The following CD36 variants were observed in gnomAD, a reference collection of about 807,000 sequenced individuals.
The protein encoded by CD36 is platelet glycoprotein 4.
A neutral mutation model predicts 55.2 loss-of-function variants in CD36; 119 were observed. That is an observed-to-expected ratio of 2.15 (90% CI 1.86 to 2.51). CD36 has a LOEUF of 2.51. Among genes scored for constraint, CD36 ranks in the 30% most tolerant of loss-of-function variants. CD36 has a pLI of 0.00. For synonymous variants in CD36, 186 were observed against 193.6 expected (o/e 0.96, Z 0.33); for missense variants, 819 against 555.5 (o/e 1.47, Z -4.77).
Position 80,604,350 on chromosome 7 carries a change from A to ATTTTTTTTTTTT in CD36, c.-184+2000_-184+2011dup, listed in dbSNP as rs67213422. On this transcript the variant is annotated intron_variant, in intron 1 of 13. Coordinates refer to the CD36 transcript ENST00000309881. Reference sequence around the variant, plus strand: ...TACAGTAATTGGCTAAGCCACTGGAATTTTTTTTTTTTTTTTTTTTTTTTT... The same window carrying ATTTTTTTTTTTT: ...TACAGTAATTGGCTAAGCCACTGGAATTTTTTTTTTTTTTTTTTTTTTTTTTTTTTTTTTTTT... Among the ~76,000 whole-genome samples the ATTTTTTTTTTTT allele has an allele frequency of 3.7e-3, 199 of 54,282 alleles. 36 individuals carry two copies. The highest frequency in any genetic ancestry group is 4.6e-3 in the Non-Finnish European group (111 of 24,050). The allele number at this position is 54,282 out of a possible 152,430, so 35.6% of individuals were successfully genotyped here.
At position 80,607,503 on chromosome 7, in the gene CD36, T is replaced by C. The variant is rs1792627503; in HGVS notation, c.-184+5124T>C. ...TTTTACAAATAAGGACATGGAGGCT[T>C]GTAGAAGTTAGTGACCTTTTATGCC... On this transcript the variant is annotated intron_variant, in intron 1 of 13. Transcript: ENST00000309881. 3.3e-5 allele frequency among the ~76,000 whole-genome samples: 5 copies of C among 152,282 alleles called. No homozygotes were observed. The South Asian group carries it at 6.2e-4, about 19-fold the overall frequency.
At chr7:80,665,677 A>AGATTGTAAGGTTGATTTAACTC (rs1324415263) in intron 7 of CD36, among the ~76,000 whole-genome samples, 2 of 152,084 alleles carry the variant, frequency 1.3e-5, no homozygotes, top group African/African-American at 4.8e-5. Flanking sequence ...CATCATTTTA[A>AGATTGTAAGGTTGATTTAACTC]GATTGTAAGG....
intron 4 of CD36, among the ~76,000 whole-genome samples, chr7:80,660,138 A>C (rs1254505346): frequency 2.0e-5 from 3 of 152,186 alleles, no homozygotes; most frequent in African/African-American, 7.2e-5. Flanking sequence ...CAAATATGAC[A>C]GTGCAATTAT....
intron 1 of CD36, among the ~76,000 whole-genome samples, chr7:80,642,051 G>A (rs151004065): frequency 6.6e-6 from 1 of 152,150 alleles, no homozygotes; most frequent in Non-Finnish European, 1.5e-5. Context: ...TCTATAAACT[G>A]GACAGAAGGC....
chr7:80,641,510 G>A (rs909760047), intron 1 of CD36, among the ~76,000 whole-genome samples: 1 of 152,014 alleles, frequency 6.6e-6, no homozygotes, highest in African/African-American at 2.4e-5. Context: ...GAAAACAAGA[G>A]TGTGGTCTGG....
chr7:80,654,896 A>T (rs73134021), intron 3 of CD36, among the ~76,000 whole-genome samples: 318 of 151,006 alleles, frequency 2.1e-3, no homozygotes, highest in Non-Finnish European at 3.8e-3. Flanking sequence ...AAAAAAAAAA[A>T]GACAGTCATA....
chr7:80,675,623 CTG>C (rs368936613), intron 14 of CD36, among the ~76,000 whole-genome samples: 11 of 151,802 alleles, frequency 7.2e-5, no homozygotes, highest in African/African-American at 2.7e-4. Context: ...AGAGAATAAA[CTG>C]TTGATTACTT....
At chr7:80,668,675 C>A (rs922683518) in intron 8 of CD36, among the ~76,000 whole-genome samples, 2 of 152,060 alleles carry the variant, frequency 1.3e-5, no homozygotes, top group Non-Finnish European at 2.9e-5. Flanking sequence ...ATGCATTTTT[C>A]TTTAATTATT....
chr7:80,672,898 C>T, intron 12 of CD36, 55 bp downstream of exon 12: 5 of 1,116,728 alleles, frequency 4.5e-6, no homozygotes, highest in Non-Finnish European at 5.4e-6. Context: ...GTAGTATCTT[C>T]TTGTAAGAAC....
At chr7:80,660,999 C>T (rs1208262446) in intron 4 of CD36, 64 bp from the exon 5 acceptor site, 4 of 1,163,770 alleles carry the variant, frequency 3.4e-6, no homozygotes, top group Non-Finnish European at 3.9e-6. Context: ...GAATGAATGA[C>T]ATTTGAGATC....
At chr7:80,617,542 C>A (rs1173267847) in intron 1 of CD36, among the ~76,000 whole-genome samples, 1 of 152,004 alleles carries the variant, frequency 6.6e-6, no homozygotes, top group South Asian at 2.1e-4. Flanking sequence ...GCCTGGCCAA[C>A]ATGGCAAAAC....
chr7:80,621,200 A>C (rs1793453571), intron 1 of CD36, among the ~76,000 whole-genome samples: 1 of 152,172 alleles, frequency 6.6e-6, no homozygotes, highest in Non-Finnish European at 1.5e-5. Flanking sequence ...TTTTAATGGT[A>C]TGGCACACTT....
chr7:80,677,607 AT>A lies in CD36; in HGVS notation c.*1225del, dbSNP rs1321488912. ...TTTTAACTGGGAAGATAAAAGAAGT[AT>A]CTGTCCAAGATATTAATATGTAAGA... On this transcript the variant is annotated 3_prime_UTR_variant, in exon 15 of 15. Transcript: ENST00000447544. 1 of 152,168 alleles carries A rather than the reference AT, an allele frequency of 6.6e-6. No individual in the cohort carries two copies. The highest frequency in any genetic ancestry group is 1.5e-5 in the Non-Finnish European group (1 of 68,032). 9.4% of individuals were successfully genotyped at this position (152,168 alleles called of 1,614,324 possible). A position where few individuals can be genotyped will look rare whatever the true frequency, so the allele number is the denominator to read the frequency against.
intron 1 of CD36, among the ~76,000 whole-genome samples, chr7:80,632,574 T>G (rs944707734): frequency 8.5e-5 from 13 of 152,052 alleles, no homozygotes; most frequent in African/African-American, 3.1e-4. Context: ...TTTAGTGTGT[T>G]TATTTATTAA....
In CD36 at chr7:80,664,996, C is replaced by A. The variant is rs564714813; in HGVS notation, c.701+499C>A. ...AAGATGGAAGCTTAATGAATCCAGG[C>A]AACTGCTTTCATGACCTTCCCCCTG... On this transcript the variant is annotated intron_variant, in intron 7 of 14. Coordinates refer to ENST00000447544, the MANE Select transcript of CD36 (RefSeq NM_001001548.3). 2.0e-5 allele frequency among the ~76,000 whole-genome samples: 3 copies of A among 152,152 alleles called. No individual in the cohort carries two copies. The South Asian group carries it at 6.2e-4, about 32-fold the overall frequency.
intron 1 of CD36, among the ~76,000 whole-genome samples, chr7:80,627,029 G>T (rs189191664): frequency 6.6e-6 from 1 of 151,952 alleles, no homozygotes; most frequent in African/African-American, 2.4e-5. Context: ...TCTCTCCTGA[G>T]ACAGACTATT....
At position 80,671,177 on chromosome 7, in the gene CD36, C is replaced by A. The variant is rs138456276; in HGVS notation, c.1006+13C>A. The A allele has an allele frequency of 8.7e-5, 135 of 1,554,114 alleles. No individual in the cohort carries two copies. The African/African-American group carries it at 1.6e-3, about 19-fold the overall frequency. On this transcript the variant is annotated intron_variant, in intron 10 of 14. Coordinates refer to ENST00000447544, the MANE Select transcript of CD36 (RefSeq NM_001001548.3). ...AAATGCAAAGAAGGTGAGTAAATAACCTCAGTAGCACAGTCCATACCATAA... is the reference window on the plus strand; with the variant it reads ...AAATGCAAAGAAGGTGAGTAAATAAACTCAGTAGCACAGTCCATACCATAA...
chr7:80,608,427 C>T (rs886549520), intron 1 of CD36, among the ~76,000 whole-genome samples: 1 of 152,178 alleles, frequency 6.6e-6, no homozygotes, highest in African/African-American at 2.4e-5. Context: ...TGTACCTCTG[C>T]TTCCCTATCT....
intron 1 of CD36, among the ~76,000 whole-genome samples, chr7:80,613,174 G>C (rs1460051197): frequency 6.6e-6 from 1 of 152,006 alleles, no homozygotes; most frequent in Non-Finnish European, 1.5e-5. Context: ...TAAGACATTT[G>C]TAATATTCAT....
Sources: allele counts gnomAD v4.1 joint callset (sites outside exome capture counted in the v4.1 genomes callset), GRCh38; gene constraint gnomAD v4.1.1; transcripts MANE v1.5; gene names NCBI Gene and HGNC (gene_info 2026-07-23, HGNC 2026-07-21).